RO60: variants seen among roughly 807,000 people sequenced by gnomAD.
RO60 encodes the protein RNA-binding protein RO60.
Under a neutral mutation model 55.3 loss-of-function variants are expected in RO60, and 20 were observed. The observed-to-expected ratio is 0.36, with a 90% confidence interval of 0.25 to 0.53. RO60 has a LOEUF of 0.53. RO60 is among the 20% of genes least tolerant of loss of function. The pLI is 0.92. For synonymous variants in RO60, 213 were observed against 213.6 expected (o/e 1.00, Z 0.02); for missense variants, 558 against 646.6 (o/e 0.86, Z 1.49).
rs764745821 is a variant in RO60, at chr1:193,086,568, ATTGT to A, written c.*1840_*1843del. On this transcript the variant is annotated 3_prime_UTR_variant, in exon 9 of 9. Coordinates refer to ENST00000400968, the MANE Select transcript of RO60 (RefSeq NM_001173524.2). ...AATAGAATTACGTAATAGTTATTGA[ATTGT>A]TTAAGTAAACCCAAGATCTTAAAAA... The A allele has an allele frequency of 2.9e-4, 44 of 152,190 alleles. No individual in the cohort carries two copies. The highest frequency in any genetic ancestry group is 9.2e-4 in the Admixed American group (14 of 15,278). 9.4% of individuals were successfully genotyped at this position (152,190 alleles called of 1,614,324 possible).
intron 2 of RO60, among the ~76,000 whole-genome samples, chr1:193,074,972 A>G (rs1673803527): frequency 6.6e-6 from 1 of 152,064 alleles, no homozygotes; most frequent in Non-Finnish European, 1.5e-5. Flanking sequence ...CGTTGGGCAC[A>G]CTGTTCTCAA....
chr1:193,082,196 G>GA lies in RO60; in HGVS notation c.1216dup (p.Thr406AsnfsTer13). 6.2e-7 allele frequency: 1 copy of GA among 1,610,646 alleles called. No individual in the cohort carries two copies. The highest frequency in any genetic ancestry group is 8.5e-7 in the Non-Finnish European group (1 of 1,178,412). On this transcript the variant is annotated frameshift_variant, in exon 7 of 9. Transcript: ENST00000400968. LOFTEE classifies it high-confidence loss of function. ...CATTGAATTTTTCAGGTTGTCACACGAACAGAAAAAGATTCTTATGTAGTT... is the reference window on the plus strand; with the variant it reads ...CATTGAATTTTTCAGGTTGTCACACGAAACAGAAAAAGATTCTTATGTAGTT...
downstream of RO60, chr1:193,091,528 A>G (rs1674857372): frequency 6.3e-6 from 5 of 797,314 alleles, no homozygotes; most frequent in Admixed American, 1.2e-4. Flanking sequence ...TGTAAATAAT[A>G]CAACTAACAA....
chr1:193,085,243 A>G lies in RO60; in HGVS notation c.*512A>G. On this transcript the variant is annotated 3_prime_UTR_variant, in exon 9 of 9. Transcript: ENST00000400968. ...AAAAAAAAAACTAAGGCATTTGATT[A>G]AATTATGAATGAGTTTTACAAATTC... 2 of 1,151,768 alleles carry G rather than the reference A, an allele frequency of 1.7e-6. No individual in the cohort carries two copies. The highest frequency in any genetic ancestry group is 2.1e-6 in the Non-Finnish European group (2 of 934,724). 71.3% of individuals were successfully genotyped at this position (1,151,768 alleles called of 1,614,324 possible). A position where few individuals can be genotyped will look rare whatever the true frequency, so the allele number is the denominator to read the frequency against.
rs757647889 is a variant in RO60, at chr1:193,082,668, G to A, written c.1424G>A (p.Gly475Glu). 1.2e-6 allele frequency: 2 copies of A among 1,613,700 alleles called. No individual in the cohort carries two copies. The highest frequency in any genetic ancestry group is 2.7e-5 in the African/African-American group (2 of 74,848). ...IVFTDNETFA[G>E]GVHPAIALRE... ...TTCACTGATAATGAGACCTTTGCTG[G>A]AGGTGTCCATCCTGCTATTGCTCTG... The change falls in exon 8 of 9, where the codon GGA becomes GAA. Residue 475 changes from glycine to glutamate, a missense_variant. Physicochemically the swap from Gly to Glu is moderately conservative, Grantham distance 98. Coordinates refer to ENST00000400968, the MANE Select transcript of RO60 (RefSeq NM_001173524.2).
At chr1:193,060,162 G>T in intron 1 of RO60, 1 of 1,139,770 alleles carries the variant, frequency 8.8e-7, no homozygotes, top group East Asian at 5.9e-5. Context: ...TTTGGAAGAA[G>T]GATCTTTGTG....
chr1:193,072,620 A>C (rs1673599286), intron 2 of RO60, among the ~76,000 whole-genome samples: 1 of 152,080 alleles, frequency 6.6e-6, no homozygotes, highest in African/African-American at 2.4e-5. Context: ...TATTTTTTAC[A>C]TTTAAATTTT....
At chr1:193,074,558 T>C (rs1420562823) in intron 2 of RO60, among the ~76,000 whole-genome samples, 1 of 152,262 alleles carries the variant, frequency 6.6e-6, no homozygotes, top group African/African-American at 2.4e-5. Context: ...TCTGTTCATA[T>C]CCTTCGCCCA....
intron 1 of RO60, among the ~76,000 whole-genome samples, chr1:193,062,993 C>G (rs1481202530): frequency 6.6e-6 from 1 of 152,154 alleles, no homozygotes. Flanking sequence ...TTGATAAAAA[C>G]ATCTGGATAC....
intron 1 of RO60, among the ~76,000 whole-genome samples, chr1:193,067,420 C>T (rs1017776532): frequency 3.3e-5 from 5 of 151,868 alleles, no homozygotes; most frequent in African/African-American, 9.7e-5. Context: ...GATCTGACCT[C>T]GTGATCCGCC....
chr1:193,068,026 C>G (rs1250688905), intron 1 of RO60, among the ~76,000 whole-genome samples: 3 of 152,114 alleles, frequency 2.0e-5, no homozygotes, highest in African/African-American at 4.8e-5. Flanking sequence ...GCATCACTTG[C>G]AAATGAAAAT....
At chr1:193,081,316 C>T (rs752480632) in intron 5 of RO60, 48 bp from the exon 6 acceptor site, 22 of 1,089,456 alleles carry the variant, frequency 2.0e-5, no homozygotes, top group Non-Finnish European at 3.0e-5. Flanking sequence ...ATTTAGTCTA[C>T]TTATAATTTC....
chr1:193,074,189 A>C (rs544047654), intron 2 of RO60, among the ~76,000 whole-genome samples: 4 of 152,182 alleles, frequency 2.6e-5, no homozygotes, highest in Non-Finnish European at 4.4e-5. Context: ...TAGTGCCGCA[A>C]TAAACATACG....
Position 193,069,046 on chromosome 1 carries a change from CA to C in RO60, c.1del, listed in dbSNP as rs56181113. ...GCCTTTTTGTTAGGTTTCCTAAAGA[CA>C]AAAAAAAATGGAGGAATCTGTAAAC... On this transcript the variant is annotated 5_prime_UTR_variant, in exon 2 of 9. Coordinates refer to ENST00000400968, the MANE Select transcript of RO60 (RefSeq NM_001173524.2). The C allele has an allele frequency of 3.1e-4, 481 of 1,542,686 alleles. No individual in the cohort carries two copies. The highest frequency in any genetic ancestry group is 2.6e-3 in the Middle Eastern group (15 of 5,842).
intron 2 of RO60, among the ~76,000 whole-genome samples, chr1:193,074,126 C>T (rs1673722087): frequency 1.3e-5 from 2 of 152,156 alleles, no homozygotes; most frequent in African/African-American, 4.8e-5. Flanking sequence ...TTTCTTAATC[C>T]AGTCTATCAT....
Position 193,073,566 on chromosome 1 carries a change from G to GTGTT in RO60, c.581-2231_581-2228dup, listed in dbSNP as rs551668164. 4.1e-3 allele frequency among the ~76,000 whole-genome samples: 625 copies of GTGTT among 151,934 alleles called. 2 individuals carry two copies. The highest frequency in any genetic ancestry group is 0.02 in the South Asian group (94 of 4,806). On this transcript the variant is annotated intron_variant, in intron 2 of 8. Transcript: ENST00000400968. ...CCTAACAACTCTCTATTACATCACTGTGTTTGTTTGTTTGTTTGTTTGTTT... is the reference window on the plus strand; with the variant it reads ...CCTAACAACTCTCTATTACATCACTGTGTTTGTTTGTTTGTTTGTTTGTTTGTTT...
chr1:193,067,450 G>A (rs183250937), intron 1 of RO60, among the ~76,000 whole-genome samples: 107 of 151,960 alleles, frequency 7.0e-4, no homozygotes, highest in African/African-American at 2.5e-3. Flanking sequence ...CTCCCAAAGT[G>A]CTGGGATTAC....
rs777930822 is a variant in RO60, at chr1:193,076,529, C to T, written c.830C>T (p.Pro277Leu). 7 of 1,611,030 alleles carry T rather than the reference C, an allele frequency of 4.3e-6. No homozygotes were observed. The highest frequency in any genetic ancestry group is 1.7e-5 in the Admixed American group (1 of 59,464). The change falls in exon 4 of 9, where the codon CCG becomes CTG. Residue 277 changes from proline to leucine, a missense_variant. Transcript: ENST00000400968. ...TGGAAGGCTTTGTTACAAGAAATGC[C>T]GCTTACTGCATTACTAAGGAATCTA... ...EVWKALLQEM[P>L]LTALLRNLGK...
rs560206035 is a variant in RO60, at chr1:193,084,684, A to G, written c.1570A>G (p.Thr524Ala). Residue 524 changes from threonine (T) to alanine (A), a missense_variant, in exon 9 of 9, where the codon ACT becomes GCT. By Grantham distance (58) the Thr-to-Ala change is moderately conservative (BLOSUM62 0). Coordinates refer to ENST00000400968, the MANE Select transcript of RO60 (RefSeq NM_001173524.2). ...CATGTTGGATATGTGCGGCTTTGAT[A>G]CTGGAGCTCTGGATGTAATTCGAAA... ...RGMLDMCGFD[T>A]GALDVIRNFT... The G allele has an allele frequency of 2.5e-6, 4 of 1,613,862 alleles. No homozygotes were observed. In the African/African-American group the frequency reaches 5.3e-5, roughly 22 times the overall value.
Sources: allele counts gnomAD v4.1 joint callset (sites outside exome capture counted in the v4.1 genomes callset), GRCh38; gene constraint gnomAD v4.1.1; transcripts MANE v1.5; gene names NCBI Gene and HGNC (gene_info 2026-07-23, HGNC 2026-07-21).